The following SBF2 variants were observed in gnomAD, a reference collection of about 807,000 sequenced individuals.
SBF2 encodes SET binding factor 2, also known as myotubularin-related protein 13.
SBF2 carries 112 observed loss-of-function variants against 225.2 expected under a neutral mutation model. The ratio of observed to expected loss-of-function variants is 0.50; its 90% CI spans 0.43 to 0.58. The LOEUF is 0.58. Among genes scored for constraint, SBF2 ranks in the 20% least tolerant of loss-of-function variants. The probability of loss-of-function intolerance (pLI) is 0.00; values close to 1 mark genes in which losing one functional copy is unlikely to be tolerated. For synonymous variants in SBF2, 763 were observed against 773.3 expected, an observed-to-expected ratio of 0.99 and a Z score of 0.22; for missense variants, 1,996 against 2,206.2, an observed-to-expected ratio of 0.90 and a Z score of 1.91.
At position 9,974,960 on chromosome 11, in the gene SBF2, CAAAAAAAAA is replaced by C. The variant is rs1166081188; in HGVS notation, c.1396-6424_1396-6416del. ...GGGCAACAACAGCGAAACTTTGACT[CAAAAAAAAA>C]AAAAAAAAAAAAAAAAAAAGAAAAA... is the stretch of plus-strand genomic sequence containing the variant. On this transcript the variant is annotated intron_variant, in intron 13 of 39. Transcript: ENST00000256190. 4.2e-3 allele frequency among the ~76,000 whole-genome samples: 97 copies of C among 23,266 alleles called. 6 individuals are homozygous for C. The highest frequency in any genetic ancestry group is 2.4e-3 in the Non-Finnish European group (27 of 11,164). The allele number at this position is 23,266 out of a possible 152,430, so 15.3% of individuals were successfully genotyped here.
At chr11:9,798,280 G>A (rs993499994) in intron 32 of SBF2, among the ~76,000 whole-genome samples, 1 of 152,094 alleles carries the variant, frequency 6.6e-6, no homozygotes, top group Non-Finnish European at 1.5e-5. Context: ...CAGACCTCAA[G>A]TTTCCCCCTC....
chr11:10,144,926 G>A (rs922272581), intron 2 of SBF2, among the ~76,000 whole-genome samples: 1 of 152,186 alleles, frequency 6.6e-6, no homozygotes, highest in Non-Finnish European at 1.5e-5. Context: ...TTTTGCTGAA[G>A]CAGTGCAAAT....
intron 16 of SBF2, among the ~76,000 whole-genome samples, chr11:9,928,037 A>C (rs1864189118): frequency 6.6e-6 from 1 of 152,152 alleles, no homozygotes; most frequent in Non-Finnish European, 1.5e-5. Flanking sequence ...AATTTTTGTC[A>C]CTTTGGGTTT....
chr11:9,899,663 G>A lies in SBF2; in HGVS notation c.1861-3652C>T, dbSNP rs573873176. 5.3e-5 allele frequency among the ~76,000 whole-genome samples: 8 copies of A among 152,218 alleles called. No individual in the cohort carries two copies. The South Asian group carries it at 1.7e-3, about 32-fold the overall frequency. ...CACTAAAAGGGAAACTCCAATGGAGGAGAGAGAGGAAAAAGAAAGATCACT... is the reference window on the plus strand; with the variant it reads ...CACTAAAAGGGAAACTCCAATGGAGAAGAGAGAGGAAAAAGAAAGATCACT... On this transcript the variant is annotated intron_variant, in intron 16 of 39. Coordinates refer to ENST00000256190, the MANE Select transcript of SBF2 (RefSeq NM_030962.4).
chr11:10,224,117 T>C (rs1337096375), intron 1 of SBF2, among the ~76,000 whole-genome samples: 1 of 152,168 alleles, frequency 6.6e-6, no homozygotes, highest in East Asian at 1.9e-4. Flanking sequence ...ATTTTATGTA[T>C]TCATGCAACA....
intron 6 of SBF2, among the ~76,000 whole-genome samples, chr11:10,004,979 G>A (rs145631014): frequency 2.0e-5 from 3 of 152,266 alleles, no homozygotes; most frequent in Non-Finnish European, 2.9e-5. Flanking sequence ...AGCCAGACAT[G>A]AGCAGGGAAG....
rs1948886889 is a variant in SBF2 at position 10,022,243 on chromosome 11, A to G, written c.619+6209T>C. Among the ~76,000 whole-genome samples, 3 of 152,168 alleles carry G rather than the reference A, an allele frequency of 2.0e-5. No individual in the cohort carries two copies. In the South Asian group the frequency reaches 6.2e-4, roughly 31 times the overall value. On this transcript the variant is annotated intron_variant, in intron 6 of 39. Coordinates refer to ENST00000256190, the MANE Select transcript of SBF2 (RefSeq NM_030962.4). ...TAGGAAAAACTTCTTATAAACAAACAGGGGAAAAAAGCATAGGATAGAATT... is the reference window on the plus strand; with the variant it reads ...TAGGAAAAACTTCTTATAAACAAACGGGGGAAAAAAGCATAGGATAGAATT...
intron 17 of SBF2, among the ~76,000 whole-genome samples, chr11:9,891,115 G>A (rs1238079487): frequency 2.0e-5 from 3 of 150,434 alleles, no homozygotes; most frequent in East Asian, 1.9e-4. Flanking sequence ...CAGCCTGGGC[G>A]AAAAGAGCAA....
intron 20 of SBF2, 74 bp downstream of exon 20, chr11:9,853,466 T>C (rs1289101485): frequency 8.0e-7 from 1 of 1,255,264 alleles, no homozygotes; most frequent in Non-Finnish European, 1.2e-6. Flanking sequence ...ATGGAAGACA[T>C]GTATTGCCAG....
In SBF2 at chr11:9,845,667, A is replaced by C. The variant is rs551204540; in HGVS notation, c.3008T>G (p.Phe1003Cys). ...VEIFKKQLMK[F>C]RYPQSIFSTF... ...ACTGAAAATGGACTGAGGATAACGG[A>C]ACTTCATCAGCTGTTTCTTAAAGAT... is the stretch of plus-strand genomic sequence containing the variant. Residue 1003 changes from phenylalanine to cysteine, a missense_variant, in exon 24 of 40, where the codon TTC becomes TGC. Coordinates refer to ENST00000256190, the MANE Select transcript of SBF2 (RefSeq NM_030962.4). The C allele has an allele frequency of 1.2e-6, 2 of 1,613,908 alleles. No individual in the cohort carries two copies. Among genetic ancestry groups the C allele is most frequent in the South Asian group, 2.2e-5 (2 of 91,084 alleles).
chr11:10,116,885 G>A (rs992517466), intron 2 of SBF2, among the ~76,000 whole-genome samples: 2 of 152,068 alleles, frequency 1.3e-5, no homozygotes, highest in Non-Finnish European at 2.9e-5. Context: ...GTTACCCATG[G>A]CATTTGTCTA....
intron 13 of SBF2, among the ~76,000 whole-genome samples, chr11:9,975,574 C>A (rs537295335): frequency 6.6e-6 from 1 of 152,126 alleles, no homozygotes; most frequent in Non-Finnish European, 1.5e-5. Flanking sequence ...TGACTTCATG[C>A]ATTTGTCAAA....
At chr11:9,887,706 T>G (rs1339136791) in intron 17 of SBF2, among the ~76,000 whole-genome samples, 1 of 152,126 alleles carries the variant, frequency 6.6e-6, no homozygotes, top group Non-Finnish European at 1.5e-5. Context: ...GTCTTCACTC[T>G]CAAACATTTT....
chr11:9,784,036 C>A (rs768063979), intron 38 of SBF2, among the ~76,000 whole-genome samples: 2 of 152,134 alleles, frequency 1.3e-5, no homozygotes, highest in Admixed American at 1.3e-4. Flanking sequence ...AATCCCCTCA[C>A]CTGGGTGTTA....
chr11:10,179,613 G>C (rs1010558537), intron 2 of SBF2, among the ~76,000 whole-genome samples: 1 of 152,108 alleles, frequency 6.6e-6, no homozygotes, highest in Admixed American at 6.5e-5. Context: ...TGCTGAAAGT[G>C]GGGTATTGAA....
chr11:10,223,854 G>A (rs1443773797), intron 1 of SBF2, among the ~76,000 whole-genome samples: 1 of 152,036 alleles, frequency 6.6e-6, no homozygotes, highest in Non-Finnish European at 1.5e-5. Context: ...GGTATTTTAA[G>A]CAGATACTCG....
chr11:10,249,863 G>C (rs1960183012), intron 1 of SBF2, among the ~76,000 whole-genome samples: 1 of 146,776 alleles, frequency 6.8e-6, no homozygotes, highest in African/African-American at 2.5e-5. Flanking sequence ...CCATAGCATT[G>C]GAATGCTATG....
intron 16 of SBF2, among the ~76,000 whole-genome samples, chr11:9,942,141 G>A (rs775460685): frequency 2.6e-5 from 4 of 152,140 alleles, no homozygotes; most frequent in Non-Finnish European, 5.9e-5. Context: ...GCACAATCAC[G>A]GCTCACTGCA....
intron 17 of SBF2, among the ~76,000 whole-genome samples, chr11:9,864,373 T>C (rs920700761): frequency 2.1e-5 from 3 of 145,082 alleles, no homozygotes; most frequent in Non-Finnish European, 4.8e-5. Flanking sequence ...ATGTCAGTAG[T>C]TGGGATGAAT....
Sources: gnomAD v4.1 joint callset for allele counts (sites outside exome capture counted in the v4.1 genomes callset) on GRCh38, gnomAD v4.1.1 for gene constraint, MANE v1.5 for transcripts, NCBI Gene and HGNC (gene_info 2026-07-23, HGNC 2026-07-21) for gene names.